The following RASA1 variants were observed in gnomAD, a reference collection of about 807,000 sequenced individuals.
RASA1 encodes RAS p21 protein activator 1.
A neutral mutation model predicts 132.2 loss-of-function variants in RASA1; 25 were observed. That is an observed-to-expected ratio of 0.19 (90% CI 0.14 to 0.26). The LOEUF (loss-of-function observed/expected upper bound fraction) is 0.26, where lower values mean the gene tolerates loss of function less well. Among genes scored for constraint, RASA1 ranks in the 10% least tolerant of loss-of-function variants. The pLI is 1.00. For synonymous variants in RASA1, 477 were observed against 449.9 expected, an observed-to-expected ratio of 1.06 and a Z score of -0.76; for missense variants, 964 against 1,299.2, an observed-to-expected ratio of 0.74 and a Z score of 3.97.
In RASA1 at chr5:87,391,043, A is replaced by AACTATGCCAGCAACCTTGTAAGCTAT; in HGVS notation, c.*161_*186dup. ...AAAATCCAAGATTCTGCTGGTGAAT[A>AACTATGCCAGCAACCTTGTAAGCTAT]ACTATGCCAGCAACCTTGTAAGCTA... On this transcript the variant is annotated 3_prime_UTR_variant, in exon 25 of 25. Transcript: ENST00000274376. The AACTATGCCAGCAACCTTGTAAGCTAT allele has an allele frequency of 1.3e-6, 1 of 748,526 alleles. No homozygotes were observed. Among genetic ancestry groups the AACTATGCCAGCAACCTTGTAAGCTAT allele is most frequent in the Non-Finnish European group, 2.4e-6 (1 of 424,508 alleles). The allele number at this position is 748,526 out of a possible 1,614,324, so 46.4% of individuals were successfully genotyped here.
At chr5:87,273,877 T>C (rs1753955756) in intron 1 of RASA1, among the ~76,000 whole-genome samples, 1 of 152,126 alleles carries the variant, frequency 6.6e-6, no homozygotes, top group Non-Finnish European at 1.5e-5. Context: ...TTTGTATTTT[T>C]AGTAGAGACG....
intron 23 of RASA1, among the ~76,000 whole-genome samples, chr5:87,388,769 A>G (rs1762247144): frequency 6.6e-6 from 1 of 152,182 alleles, no homozygotes; most frequent in African/African-American, 2.4e-5. Context: ...TATATGCATT[A>G]TCAACTTAGA....
At chr5:87,298,345 C>T (rs1755210499) in intron 1 of RASA1, among the ~76,000 whole-genome samples, 1 of 150,070 alleles carries the variant, frequency 6.7e-6, no homozygotes, top group Non-Finnish European at 1.5e-5. Context: ...GGAGGCGGAG[C>T]TTGCAGTGAG....
chr5:87,338,501 T>TTATATATATATATATATATATATA (rs3069490), intron 5 of RASA1, among the ~76,000 whole-genome samples: 1 of 75,682 alleles, frequency 1.3e-5, no homozygotes, highest in African/African-American at 4.9e-5. Context: ...CCAGCTAATT[T>TTATATATATATATATATATATATA]TATATATATA....
chr5:87,378,167 G>A (rs574720084), intron 17 of RASA1, among the ~76,000 whole-genome samples: 2 of 152,274 alleles, frequency 1.3e-5, no homozygotes, highest in South Asian at 4.1e-4. Context: ...ACATGGCAGT[G>A]TTAATCCCTT....
chr5:87,310,349 G>T (rs369549552), intron 1 of RASA1, among the ~76,000 whole-genome samples: 1 of 152,108 alleles, frequency 6.6e-6, no homozygotes, highest in African/African-American at 2.4e-5. Flanking sequence ...TGCAAGCAAA[G>T]GAAAGATGCA....
intron 1 of RASA1, among the ~76,000 whole-genome samples, chr5:87,301,156 C>G (rs1026613790): frequency 6.6e-6 from 1 of 152,128 alleles, no homozygotes; most frequent in Non-Finnish European, 1.5e-5. Flanking sequence ...CTGGACAACA[C>G]ATTGTTATAA....
At chr5:87,316,178 G>T (rs1003092457) in intron 1 of RASA1, among the ~76,000 whole-genome samples, 3 of 152,128 alleles carry the variant, frequency 2.0e-5, no homozygotes, top group Non-Finnish European at 4.4e-5. Context: ...CAAATATGAC[G>T]AATGGTTAGC....
chr5:87,377,995 T>C (rs1375654504), intron 17 of RASA1, among the ~76,000 whole-genome samples: 2 of 152,228 alleles, frequency 1.3e-5, no homozygotes, highest in Non-Finnish European at 2.9e-5. Flanking sequence ...AATTAATCTA[T>C]ACTGGGATTT....
chr5:87,378,471 C>T lies in RASA1; in HGVS notation c.2420C>T (p.Thr807Ile). Reference sequence around the variant, plus strand: ...GAGCAGTATATGAAAGCCACTGCTACACAGTTTGTTCATCATGCTTTGAAA... The same window carrying T: ...GAGCAGTATATGAAAGCCACTGCTATACAGTTTGTTCATCATGCTTTGAAA... The part of the protein sequence containing the change: ...LMEQYMKATA[T>I]QFVHHALKDS... The change falls in exon 18 of 25, where the codon ACA becomes ATA. Residue 807 changes from threonine (T) to isoleucine (I), a missense_variant. Physicochemically the swap from Thr to Ile is moderately conservative, Grantham distance 89. Around this residue, in one of 6 missense-constraint regions of RASA1, gnomAD observed 346 missense variants for 520.1 expected, o/e 0.67. Transcript: ENST00000274376. The T allele has an allele frequency of 6.2e-7, 1 of 1,612,538 alleles. No homozygotes were observed. Among genetic ancestry groups the T allele is most frequent in the Non-Finnish European group, 8.5e-7 (1 of 1,178,628 alleles).
At chr5:87,377,282 A>G (rs1761391996) in intron 17 of RASA1, 1 of 520,600 alleles carries the variant, frequency 1.9e-6, no homozygotes, top group Admixed American at 3.1e-5. Flanking sequence ...AGAAGGTGGT[A>G]TCTGTGTCTA....
At chr5:87,377,598 A>G (rs1284837666) in intron 17 of RASA1, among the ~76,000 whole-genome samples, 1 of 152,138 alleles carries the variant, frequency 6.6e-6, no homozygotes, top group African/African-American at 2.4e-5. Context: ...CAAGCCTCCC[A>G]AAGTGCCGGG....
intron 23 of RASA1, 108 bp from the exon 24 acceptor site, chr5:87,389,285 C>G: frequency 7.1e-7 from 1 of 1,417,002 alleles, no homozygotes; most frequent in African/African-American, 1.4e-5. Context: ...GAGCCGAGAT[C>G]ATGCCATTGC....
At chr5:87,383,359 T>G (rs760093588) in intron 20 of RASA1, among the ~76,000 whole-genome samples, 9 of 152,080 alleles carry the variant, frequency 5.9e-5, no homozygotes, top group Admixed American at 1.3e-4. Flanking sequence ...TTCTTAAGAT[T>G]CCTGAGGATA....
rs562660748 is a variant in RASA1 at position 87,363,618 on chromosome 5, A to C, written c.1610+114A>C. On this transcript the variant is annotated intron_variant, in intron 11 of 24. Coordinates refer to ENST00000274376, the MANE Select transcript of RASA1 (RefSeq NM_002890.3). ...ATCATCTTCTAAAAGTAGCAGATGCACTTTCTAGGTAATTTTTGCCTTCCT... is the reference window on the plus strand; with the variant it reads ...ATCATCTTCTAAAAGTAGCAGATGCCCTTTCTAGGTAATTTTTGCCTTCCT... 16 of 1,202,338 alleles carry C rather than the reference A, an allele frequency of 1.3e-5. No individual in the cohort carries two copies. In the African/African-American group the frequency reaches 2.3e-4, roughly 17 times the overall value. 74.5% of individuals were successfully genotyped at this position (1,202,338 alleles called of 1,614,324 possible).
In RASA1 at chr5:87,376,386, T is replaced by C; in HGVS notation, c.2012-7T>C. Reference sequence around the variant, plus strand: ...TTAAACAATAATTGCTTGTTTTTCTTCCCAAGTATTTATGCGCTGCCAGTT... The same window carrying C: ...TTAAACAATAATTGCTTGTTTTTCTCCCCAAGTATTTATGCGCTGCCAGTT... On this transcript the variant is annotated splice_polypyrimidine_tract_variant and splice_region_variant and intron_variant, in intron 15 of 24. Transcript: ENST00000274376. 1 of 1,613,864 alleles carries C rather than the reference T, an allele frequency of 6.2e-7. No homozygotes were observed. Among genetic ancestry groups the C allele is most frequent in the Non-Finnish European group, 8.5e-7 (1 of 1,179,922 alleles).
intron 6 of RASA1, 37 bp downstream of exon 6, chr5:87,341,358 T>C (rs1183256588): frequency 1.0e-6 from 1 of 970,228 alleles, no homozygotes. Flanking sequence ...AAAAAAAAAA[T>C]CTATATTGTA....
intron 18 of RASA1, among the ~76,000 whole-genome samples, chr5:87,379,204 T>A (rs1483595491): frequency 1.3e-5 from 2 of 152,070 alleles, no homozygotes; most frequent in Non-Finnish European, 2.9e-5. Context: ...AGGGAAGAAA[T>A]TAGTGATTTA....
intron 1 of RASA1, among the ~76,000 whole-genome samples, chr5:87,307,278 T>C (rs903568300): frequency 6.6e-6 from 1 of 152,208 alleles, no homozygotes; most frequent in Non-Finnish European, 1.5e-5. Flanking sequence ...GTATTTTCTG[T>C]CCTTGTTTTC....
Sources: allele counts gnomAD v4.1 joint callset (sites outside exome capture counted in the v4.1 genomes callset), GRCh38; gene constraint gnomAD v4.1.1; regional missense constraint gnomAD v4.1.1; transcripts MANE v1.5; gene names NCBI Gene and HGNC (gene_info 2026-07-23, HGNC 2026-07-21).